Variants in HECW1 observed in about 807,000 individuals in gnomAD.
HECW1 encodes E3 ubiquitin-protein ligase HECW1.
A neutral mutation model predicts 182.3 loss-of-function variants in HECW1; 61 were observed. That is an observed-to-expected ratio of 0.33 (90% CI 0.27 to 0.41). HECW1 has a LOEUF of 0.41. Among genes scored for constraint, HECW1 ranks in the 10% least tolerant of loss-of-function variants. HECW1 has a pLI of 1.00. For synonymous variants in HECW1, 859 were observed against 832.6 expected (o/e 1.03, Z -0.55); for missense variants, 1,739 against 2,108.9 (o/e 0.82, Z 3.44).
chr7:43,319,393 C>CAAAAAAAAAAAAAAAAAAA (rs529109893), intron 4 of HECW1, among the ~76,000 whole-genome samples: 2 of 67,694 alleles, frequency 3.0e-5, no homozygotes, highest in African/African-American at 4.1e-5. Flanking sequence ...GACTCCGTCT[C>CAAAAAAAAAAAAAAAAAAA]AAAAAAAAAA....
chr7:43,544,197 C>T (rs1382203440), intron 26 of HECW1, among the ~76,000 whole-genome samples: 2 of 152,172 alleles, frequency 1.3e-5, no homozygotes, highest in South Asian at 4.1e-4. Context: ...TAAATTTCTG[C>T]ATGACAAACT....
intron 11 of HECW1, among the ~76,000 whole-genome samples, chr7:43,445,838 GTTTGT>G (rs1159542793): frequency 6.6e-6 from 1 of 152,138 alleles, no homozygotes; most frequent in Non-Finnish European, 1.5e-5. Context: ...GTGCTTCTAT[GTTTGT>G]TTTAACTAAT....
In HECW1 at chr7:43,555,632, A is replaced by G. The variant is rs565618945; in HGVS notation, c.4709+842A>G. Among the ~76,000 whole-genome samples the G allele has an allele frequency of 3.9e-5, 6 of 152,374 alleles. No homozygotes were observed. The South Asian group carries it at 1.2e-3, about 32-fold the overall frequency. On this transcript the variant is annotated intron_variant, in intron 29 of 29. Transcript: ENST00000395891. ...ACCTTTGCTAAATCCTTATTGCAGA[A>G]GGATTTACTGGACTATAGCTTTCAC...
chr7:43,382,241 G>A (rs1233537492), intron 6 of HECW1, among the ~76,000 whole-genome samples: 5 of 151,640 alleles, frequency 3.3e-5, no homozygotes, highest in African/African-American at 9.7e-5. Context: ...AGCCGAGATC[G>A]CGCCACTGCA....
intron 29 of HECW1, among the ~76,000 whole-genome samples, chr7:43,559,101 A>G (rs2082126179): frequency 6.6e-6 from 1 of 152,202 alleles, no homozygotes; most frequent in Non-Finnish European, 1.5e-5. Context: ...AGAGAGGAGC[A>G]AGACTTTCTT....
intron 8 of HECW1, among the ~76,000 whole-genome samples, chr7:43,426,887 A>T (rs10245177): frequency 0.18 from 27,239 of 152,046 alleles, 2,609 homozygotes; most frequent in Middle Eastern, 0.22. Context: ...TTTTCATAGT[A>T]ATATACCCAA....
chr7:43,306,493 A>G (rs1411048177), intron 3 of HECW1, among the ~76,000 whole-genome samples: 1 of 152,170 alleles, frequency 6.6e-6, no homozygotes, highest in Non-Finnish European at 1.5e-5. Context: ...ATGGACTAAA[A>G]AAGTATTACG....
intron 2 of HECW1, among the ~76,000 whole-genome samples, chr7:43,140,042 A>C (rs1787997809): frequency 6.6e-6 from 1 of 152,186 alleles, no homozygotes; most frequent in African/African-American, 2.4e-5. Context: ...TGCAATGTGA[A>C]TATTATTACA....
At chr7:43,467,539 T>C (rs905377759) in intron 15 of HECW1, among the ~76,000 whole-genome samples, 1 of 151,992 alleles carries the variant, frequency 6.6e-6, no homozygotes, top group African/African-American at 2.4e-5. Flanking sequence ...AGAGTAGCAC[T>C]TGGGCTGCCT....
chr7:43,500,976 A>C lies in HECW1; in HGVS notation c.3521+194A>C, dbSNP rs117290362. ...TCCTTAGATTTGCAATTGAGCTAGC[A>C]AGAGCTGCGTAAAGTACTTGATGGA... On this transcript the variant is annotated intron_variant, in intron 20 of 29. Coordinates refer to ENST00000395891, the MANE Select transcript of HECW1 (RefSeq NM_015052.5). 1.1e-3 allele frequency among the ~76,000 whole-genome samples: 174 copies of C among 152,344 alleles called. 1 individual carries two copies. The East Asian group carries it at 0.028, about 24-fold the overall frequency.
At chr7:43,446,566 A>C (rs781492226) in intron 11 of HECW1, among the ~76,000 whole-genome samples, 1 of 152,220 alleles carries the variant, frequency 6.6e-6, no homozygotes, top group Non-Finnish European at 1.5e-5. Flanking sequence ...CAAGGGCCAG[A>C]GTTGTGTTTC....
Position 43,251,345 on chromosome 7 carries a change from T to C in HECW1, c.27+7413T>C, listed in dbSNP as rs1239473407. ...ATTTTTTTGAGATGGAGTCTCACTCTATCACCCAGACTGGAGTGCGATAGC... is the reference window on the plus strand; with the variant it reads ...ATTTTTTTGAGATGGAGTCTCACTCCATCACCCAGACTGGAGTGCGATAGC... On this transcript the variant is annotated intron_variant, in intron 3 of 29. Coordinates refer to ENST00000395891, the MANE Select transcript of HECW1 (RefSeq NM_015052.5). Among the ~76,000 whole-genome samples the C allele has an allele frequency of 2.6e-5, 4 of 152,172 alleles. No homozygotes were observed. The East Asian group carries it at 7.7e-4, about 29-fold the overall frequency.
At chr7:43,552,089 A>G in intron 27 of HECW1, 133 bp from the exon 28 acceptor site, 1 of 643,288 alleles carries the variant, frequency 1.6e-6, no homozygotes, top group Non-Finnish European at 2.8e-6. Context: ...TTTCAAGTTA[A>G]AAATGATTAC....
At chr7:43,215,642 A>G (rs148511017) in intron 2 of HECW1, among the ~76,000 whole-genome samples, 1 of 152,308 alleles carries the variant, frequency 6.6e-6, no homozygotes, top group African/African-American at 2.4e-5. Flanking sequence ...TGCATTTCAT[A>G]ATTTATCAAG....
intron 2 of HECW1, among the ~76,000 whole-genome samples, chr7:43,139,921 T>G (rs17795675): frequency 0.56 from 84,930 of 151,936 alleles, 24,427 homozygotes; most frequent in African/African-American, 0.69. Context: ...CAGTTTTCTG[T>G]TCTGTGAAAT....
chr7:43,554,726 C>T lies in HECW1; in HGVS notation c.4645C>T (p.Arg1549Cys). The T allele has an allele frequency of 1.2e-6, 2 of 1,614,054 alleles. No individual in the cohort carries two copies. Among genetic ancestry groups the T allele is most frequent in the Non-Finnish European group, 1.7e-6 (2 of 1,179,968 alleles). Residue 1549 changes from arginine (R) to cysteine (C), a missense_variant, in exon 29 of 30, where the codon CGT (arginine) becomes TGT (cysteine). Coordinates refer to ENST00000395891, the MANE Select transcript of HECW1 (RefSeq NM_015052.5). ...GCCCTACGAAGGCTTCGCAGCCCTC[C>T]GTGGGAGCAATGGGCTTCGGCGCTT... The part of the protein sequence containing the change: ...SVPYEGFAAL[R>C]GSNGLRRFCI...
intron 11 of HECW1, among the ~76,000 whole-genome samples, chr7:43,449,669 T>C (rs1427584208): frequency 1.3e-5 from 2 of 152,212 alleles, no homozygotes; most frequent in African/African-American, 4.8e-5. Flanking sequence ...CAAGGGATAA[T>C]GGAACACTTG....
At chr7:43,361,057 C>CGTGCAT (rs1554378430) in intron 6 of HECW1, 77 bp downstream of exon 6, 2 of 638,024 alleles carry the variant, frequency 3.1e-6, no homozygotes, top group African/African-American at 1.9e-5. Context: ...CTTGTGCGTG[C>CGTGCAT]GTGTGTGTGT....
intron 14 of HECW1, among the ~76,000 whole-genome samples, chr7:43,465,952 A>G (rs979388679): frequency 1.0e-4 from 15 of 148,498 alleles, no homozygotes; most frequent in Non-Finnish European, 1.9e-4. Context: ...GGAAGAAAAG[A>G]AAGAGAAAGA....
Sources: gnomAD v4.1 joint callset for allele counts (sites outside exome capture counted in the v4.1 genomes callset) on GRCh38, gnomAD v4.1.1 for gene constraint, MANE v1.5 for transcripts, NCBI Gene and HGNC (gene_info 2026-07-23, HGNC 2026-07-21) for gene names.